MAGI2: variants seen among roughly 807,000 people sequenced by gnomAD.
The protein encoded by MAGI2 is membrane associated guanylate kinase, WW and PDZ domain containing 2.
A neutral mutation model predicts 133.3 loss-of-function variants in MAGI2; 35 were observed. The ratio of observed to expected loss-of-function variants is 0.26; its 90% CI spans 0.20 to 0.35. The LOEUF is 0.35. Among genes scored for constraint, MAGI2 ranks in the 10% least tolerant of loss-of-function variants. The pLI, the probability that MAGI2 is intolerant of heterozygous loss-of-function variation, is 1.00. For missense variants in MAGI2, 1,636 were observed against 1,863.4 expected, an observed-to-expected ratio of 0.88 and a Z score of 2.25; for synonymous variants, 729 against 710.6, an observed-to-expected ratio of 1.03 and a Z score of -0.41.
chr7:78,835,501 G>A (rs1791540318), intron 2 of MAGI2, among the ~76,000 whole-genome samples: 1 of 152,202 alleles, frequency 6.6e-6, no homozygotes, highest in Admixed American at 6.5e-5. Flanking sequence ...CATAGTCAGA[G>A]AAGGTGGGAA....
At chr7:79,447,720 C>G (rs1205616850) in intron 1 of MAGI2, among the ~76,000 whole-genome samples, 1 of 151,560 alleles carries the variant, frequency 6.6e-6, no homozygotes, top group East Asian at 1.9e-4. Flanking sequence ...GGTATTTTAA[C>G]AGTACCATAA....
chr7:78,354,562 C>T (rs930204129), intron 7 of MAGI2, among the ~76,000 whole-genome samples: 4 of 152,118 alleles, frequency 2.6e-5, no homozygotes, highest in African/African-American at 9.7e-5. Flanking sequence ...ATGAAAGTCA[C>T]CAGGCCATGA....
chr7:78,759,503 T>A (rs1229282498), intron 2 of MAGI2, among the ~76,000 whole-genome samples: 1 of 152,170 alleles, frequency 6.6e-6, no homozygotes, highest in Non-Finnish European at 1.5e-5. Context: ...GGAGAATTTT[T>A]AAAAGTTAAT....
chr7:78,782,374 G>C (rs1018508802), intron 2 of MAGI2, among the ~76,000 whole-genome samples: 1 of 152,166 alleles, frequency 6.6e-6, no homozygotes, highest in African/African-American at 2.4e-5. Flanking sequence ...CCCACAGTAG[G>C]CCGAGAGTCA....
intron 10 of MAGI2, among the ~76,000 whole-genome samples, chr7:78,245,194 G>A (rs190083888): frequency 1.9e-4 from 29 of 152,304 alleles, no homozygotes; most frequent in Admixed American, 2.6e-4. Context: ...AAGGAGCTGG[G>A]CAGAAGATAG....
At chr7:78,232,815 T>C (rs1790120036) in intron 10 of MAGI2, among the ~76,000 whole-genome samples, 1 of 152,170 alleles carries the variant, frequency 6.6e-6, no homozygotes, top group African/African-American at 2.4e-5. Context: ...AACACACAGA[T>C]TTTTAAGATA....
rs187602639 is a variant in MAGI2, at chr7:78,302,627, C to T, written c.1408+41151G>A. The stretch of plus-strand genomic sequence containing the variant: ...ATGGCTGCCATCCATCCATCCACTC[C>T]CATTTATTGAGTGCCTAATACATTT... On this transcript the variant is annotated intron_variant, in intron 9 of 21. Transcript: ENST00000354212. Among the ~76,000 whole-genome samples, 748 of 152,292 alleles carry T rather than the reference C, an allele frequency of 4.9e-3. 1 individual carries two copies. The highest frequency in any genetic ancestry group is 8.0e-3 in the Non-Finnish European group (541 of 68,022).
chr7:79,146,280 C>T (rs1328728274), intron 1 of MAGI2, among the ~76,000 whole-genome samples: 1 of 152,160 alleles, frequency 6.6e-6, no homozygotes, highest in East Asian at 1.9e-4. Context: ...GGCAACCACA[C>T]CTTTTTGTGC....
chr7:79,107,467 T>C (rs551922285), intron 1 of MAGI2, among the ~76,000 whole-genome samples: 169 of 152,258 alleles, frequency 1.1e-3, no homozygotes, highest in African/African-American at 4.0e-3. Flanking sequence ...TTAATCTCAG[T>C]CTTGTGACAT....
At chr7:78,127,521 AC>A in intron 18 of MAGI2, 105 bp from the exon 19 acceptor site, 1 of 746,914 alleles carries the variant, frequency 1.3e-6, no homozygotes, top group Non-Finnish European at 2.2e-6. Context: ...GCTCACACAA[AC>A]CACTCCTCTC....
Position 79,166,571 on chromosome 7 carries a change from T to C in MAGI2, c.302-159365A>G, listed in dbSNP as rs182098441. Among the ~76,000 whole-genome samples the C allele has an allele frequency of 2.4e-4, 37 of 152,240 alleles. No individual in the cohort carries two copies. In the East Asian group the frequency reaches 7.2e-3, roughly 29 times the overall value. Reference sequence around the variant, plus strand: ...AAATAGTAAATTTATATTGTCTTAATGTGGTAATTTGTTGGGCAGCAGTAA... The same window carrying C: ...AAATAGTAAATTTATATTGTCTTAACGTGGTAATTTGTTGGGCAGCAGTAA... On this transcript the variant is annotated intron_variant, in intron 1 of 21. Transcript: ENST00000354212.
At chr7:78,449,668 C>T (rs752822211) in intron 6 of MAGI2, among the ~76,000 whole-genome samples, 5 of 152,020 alleles carry the variant, frequency 3.3e-5, no homozygotes, top group Non-Finnish European at 5.9e-5. Flanking sequence ...ACGCGTGTGG[C>T]TTCAAAATTT....
intron 2 of MAGI2, among the ~76,000 whole-genome samples, chr7:78,693,353 T>G (rs776707627): frequency 6.6e-6 from 1 of 152,150 alleles, no homozygotes; most frequent in African/African-American, 2.4e-5. Context: ...TCTACTCCCC[T>G]TGGGCCAAAA....
intron 1 of MAGI2, among the ~76,000 whole-genome samples, chr7:79,351,159 A>G (rs1281165056): frequency 6.6e-6 from 1 of 152,158 alleles, no homozygotes; most frequent in Non-Finnish European, 1.5e-5. Flanking sequence ...GTTAGAATGC[A>G]TGCTTAACGT....
intron 1 of MAGI2, among the ~76,000 whole-genome samples, chr7:79,266,844 A>G (rs1834498866): frequency 1.3e-5 from 2 of 152,124 alleles, no homozygotes; most frequent in Admixed American, 1.3e-4. Flanking sequence ...GAGTCAAACA[A>G]TGCTTTGGTT....
chr7:78,642,114 T>G (rs2150990588), intron 2 of MAGI2, among the ~76,000 whole-genome samples: 1 of 152,312 alleles, frequency 6.6e-6, no homozygotes, highest in East Asian at 1.9e-4. Flanking sequence ...ACATATAAAT[T>G]TTACGCTGTT....
chr7:79,120,753 T>C (rs530525094), intron 1 of MAGI2, among the ~76,000 whole-genome samples: 1 of 152,100 alleles, frequency 6.6e-6, no homozygotes, highest in Admixed American at 6.5e-5. Flanking sequence ...ATTTAAATAC[T>C]AGGGTTCTAT....
intron 1 of MAGI2, among the ~76,000 whole-genome samples, chr7:79,445,016 C>G (rs1848746471): frequency 6.6e-6 from 1 of 152,184 alleles, no homozygotes; most frequent in South Asian, 2.1e-4. Flanking sequence ...TGCCGCATAT[C>G]TACAACTCTC....
intron 1 of MAGI2, among the ~76,000 whole-genome samples, chr7:79,247,363 C>T (rs1832898712): frequency 6.6e-6 from 1 of 151,848 alleles, no homozygotes; most frequent in Non-Finnish European, 1.5e-5. Flanking sequence ...CCCTGTAATC[C>T]CAGCACTTTG....
Sources: gnomAD v4.1 joint callset for allele counts (sites outside exome capture counted in the v4.1 genomes callset) on GRCh38, gnomAD v4.1.1 for gene constraint, MANE v1.5 for transcripts, NCBI Gene and HGNC (gene_info 2026-07-23, HGNC 2026-07-21) for gene names.